The following ATXN1 variants were observed in gnomAD, a reference collection of about 807,000 sequenced individuals.
ATXN1 encodes ataxin 1, also known as ataxin-1.
Under a neutral mutation model 56.4 loss-of-function variants are expected in ATXN1, and 8 were observed. The ratio of observed to expected loss-of-function variants is 0.14; its 90% confidence interval spans 0.08 to 0.26. ATXN1 has a LOEUF of 0.26. Ranked by LOEUF, ATXN1 falls within the 10% of genes least tolerant of loss-of-function variation. The pLI is 1.00. For synonymous variants in ATXN1, 514 were observed against 494.6 expected (o/e 1.04, Z -0.52); for missense variants, 987 against 1,106.5 (o/e 0.89, Z 1.53).
At chr6:16,471,407 G>A (rs1169251085) in intron 6 of ATXN1, among the ~76,000 whole-genome samples, 2 of 152,142 alleles carry the variant, frequency 1.3e-5, no homozygotes, top group South Asian at 2.1e-4. Context: ...CTTAGAGCTC[G>A]GCATTCCTGA....
In ATXN1 at chr6:16,306,795, C is replaced by A. The variant is rs148227566; in HGVS notation, c.1982G>T (p.Cys661Phe). Residue 661 changes from cysteine to phenylalanine, a missense_variant, in exon 8 of 8, where the codon TGT (cysteine) becomes TTT (phenylalanine). Transcript: ENST00000436367. The surrounding 1 kb of genome is among the most constrained non-coding windows in gnomAD (Gnocchi z 5.2). ...AAAGAGCTGGCTGGTTCTCTCCGGA[C>A]AGCAGGATGACCAGCCCTGTCCAAA... ...FVFGQGWSSC[C>F]PERTSQLFDL... The A allele has an allele frequency of 6.2e-7, 1 of 1,614,058 alleles. No homozygotes were observed. The highest frequency in any genetic ancestry group is 8.5e-7 in the Non-Finnish European group (1 of 1,180,014).
At chr6:16,656,981 C>CTTTTTTT (rs869034865) in intron 3 of ATXN1, among the ~76,000 whole-genome samples, 1 of 120,396 alleles carries the variant, frequency 8.3e-6, no homozygotes, top group African/African-American at 3.2e-5. Flanking sequence ...GTATTATAAT[C>CTTTTTTT]TTTTTTTTTT....
In ATXN1 at chr6:16,548,683, G is replaced by A. The variant is rs368989140; in HGVS notation, c.-360-25995C>T. Among the ~76,000 whole-genome samples the A allele has an allele frequency of 3.5e-4, 53 of 152,056 alleles. No homozygotes were observed. In the East Asian group the frequency reaches 9.7e-3, roughly 28 times the overall value. ...GCACACCTGTAATCCCAGCACTTTG[G>A]GAGGCCGAGGCGGGTGGATTGCTTG... On this transcript the variant is annotated intron_variant, in intron 4 of 7. Coordinates refer to ENST00000436367, the MANE Select transcript of ATXN1 (RefSeq NM_001128164.2).
chr6:16,536,571 C>G (rs977450652), intron 4 of ATXN1, among the ~76,000 whole-genome samples: 5 of 152,106 alleles, frequency 3.3e-5, no homozygotes, highest in African/African-American at 1.2e-4. Context: ...TTATTTAGCC[C>G]AAATATGCAT....
intron 3 of ATXN1, among the ~76,000 whole-genome samples, chr6:16,637,188 C>G (rs1763613580): frequency 6.6e-6 from 1 of 152,142 alleles, no homozygotes; most frequent in Non-Finnish European, 1.5e-5. Flanking sequence ...GAGTTCATGT[C>G]CTTTGTTGGG....
At chr6:16,337,984 G>A (rs534534092) in intron 6 of ATXN1, among the ~76,000 whole-genome samples, 8 of 152,250 alleles carry the variant, frequency 5.3e-5, no homozygotes, top group South Asian at 2.1e-4. Context: ...CTCACTACCC[G>A]ATGCATGAAG....
At chr6:16,651,517 G>A (rs966426100) in intron 3 of ATXN1, among the ~76,000 whole-genome samples, 12 of 148,558 alleles carry the variant, frequency 8.1e-5, no homozygotes, top group South Asian at 2.2e-4. Context: ...GCACTCCAGC[G>A]TGGGTGACAG....
intron 6 of ATXN1, among the ~76,000 whole-genome samples, chr6:16,349,243 G>T (rs1350531572): frequency 1.3e-5 from 2 of 152,152 alleles, no homozygotes; most frequent in Admixed American, 1.3e-4. Flanking sequence ...GGTGGCTCAC[G>T]CCTGTAATCC....
intron 4 of ATXN1, among the ~76,000 whole-genome samples, chr6:16,524,675 A>G (rs922015292): frequency 6.6e-6 from 1 of 152,246 alleles, no homozygotes; most frequent in African/African-American, 2.4e-5. Context: ...ACAAAAAGGC[A>G]TTATCACCAT....
intron 5 of ATXN1, among the ~76,000 whole-genome samples, chr6:16,520,326 A>G (rs1761262620): frequency 1.3e-5 from 2 of 152,158 alleles, no homozygotes; most frequent in Admixed American, 6.5e-5. Flanking sequence ...ATCTGTGTTT[A>G]GTTTTTTCTC....
At chr6:16,330,390 C>CT (rs60608169) in intron 6 of ATXN1, among the ~76,000 whole-genome samples, 39,841 of 119,770 alleles carry the variant, frequency 0.33, 7,041 homozygotes, top group Non-Finnish European at 0.38. Context: ...TCCTTCCTTC[C>CT]TTTTTTTTTT....
intron 2 of ATXN1, among the ~76,000 whole-genome samples, chr6:16,724,821 A>C (rs1759815663): frequency 6.6e-6 from 1 of 152,300 alleles, no homozygotes; most frequent in East Asian, 1.9e-4. Flanking sequence ...GACATATTTT[A>C]TCTGGATAAC....
chr6:16,623,681 C>T (rs1763358023), intron 3 of ATXN1, among the ~76,000 whole-genome samples: 2 of 152,150 alleles, frequency 1.3e-5, no homozygotes, highest in South Asian at 2.1e-4. Context: ...AGATATTTCC[C>T]CCAATCTTCT....
intron 7 of ATXN1, among the ~76,000 whole-genome samples, chr6:16,316,617 G>C (rs1760514717): frequency 6.6e-6 from 1 of 152,056 alleles, no homozygotes; most frequent in Admixed American, 6.5e-5. Flanking sequence ...CGTGGGAGCA[G>C]GTGCCTGTAA....
intron 4 of ATXN1, among the ~76,000 whole-genome samples, chr6:16,559,188 C>T (rs992651228): frequency 9.9e-5 from 15 of 152,038 alleles, no homozygotes; most frequent in African/African-American, 3.1e-4. Flanking sequence ...TACAATAGGA[C>T]GAATGCCAAA....
intron 4 of ATXN1, among the ~76,000 whole-genome samples, chr6:16,550,244 T>A (rs1371544583): frequency 2.0e-5 from 3 of 151,584 alleles, no homozygotes; most frequent in Admixed American, 1.3e-4. Context: ...TACCAAGGCT[T>A]CCCTCTTGCC....
At chr6:16,600,650 T>A (rs968615608) in intron 3 of ATXN1, among the ~76,000 whole-genome samples, 1 of 152,238 alleles carries the variant, frequency 6.6e-6, no homozygotes, top group African/African-American at 2.4e-5. Context: ...AAAAAATTGC[T>A]ATCTACAAGC....
chr6:16,694,633 G>C (rs764553880), intron 2 of ATXN1, among the ~76,000 whole-genome samples: 30 of 152,118 alleles, frequency 2.0e-4, no homozygotes, highest in Admixed American at 9.2e-4. Flanking sequence ...TTAGAAACTG[G>C]GAAACACACG....
At chr6:16,536,590 C>T (rs7764112) in intron 4 of ATXN1, among the ~76,000 whole-genome samples, 10,986 of 152,190 alleles carry the variant, frequency 0.072, 731 homozygotes, top group African/African-American at 0.18. Context: ...ATGTATCTGA[C>T]TTTTGGGGGA....
Sources: gnomAD v4.1 joint callset for allele counts (sites outside exome capture counted in the v4.1 genomes callset) on GRCh38, gnomAD v4.1.1 for gene constraint, Gnocchi (gnomAD v3.1) non-coding constraint, MANE v1.5 for transcripts, NCBI Gene and HGNC (gene_info 2026-07-23, HGNC 2026-07-21) for gene names.